The following IFT80 variants were observed in gnomAD, a reference collection of about 807,000 sequenced individuals.
IFT80 encodes intraflagellar transport protein 80 homolog.
In IFT80, 79 loss-of-function variants were observed where a neutral mutation model predicts 107.9. The ratio of observed to expected loss-of-function variants is 0.73; its 90% confidence interval spans 0.61 to 0.88. The LOEUF is 0.88. Ranked by LOEUF, IFT80 falls within the 40% of genes least tolerant of loss-of-function variation. The probability of loss-of-function intolerance (pLI) is 0.00; values close to 1 mark genes in which losing one functional copy is unlikely to be tolerated. For synonymous variants in IFT80, 299 were observed against 300.9 expected (o/e 0.99, Z 0.07); for missense variants, 797 against 914.2 (o/e 0.87, Z 1.65).
chr3:160,293,658 G>C (rs1715746324), intron 12 of IFT80, among the ~76,000 whole-genome samples: 1 of 152,066 alleles, frequency 6.6e-6, no homozygotes, highest in African/African-American at 2.4e-5. Context: ...CTGAGTGATA[G>C]AAGTGCCATT....
intron 8 of IFT80, among the ~76,000 whole-genome samples, chr3:160,328,621 G>T (rs1187159960): frequency 6.6e-6 from 1 of 151,962 alleles, no homozygotes; most frequent in Non-Finnish European, 1.5e-5. Context: ...CTATCATTCG[G>T]CCCAGTGATA....
chr3:160,375,724 C>T, intron 5 of IFT80, 88 bp downstream of exon 5: 1 of 843,926 alleles, frequency 1.2e-6, no homozygotes, highest in Non-Finnish European at 2.0e-6. Flanking sequence ...GTCTCAACCA[C>T]CGTATTAGAT....
intron 12 of IFT80, 40 bp from the exon 13 acceptor site, chr3:160,285,908 G>C: frequency 7.3e-7 from 1 of 1,379,206 alleles, no homozygotes; most frequent in Non-Finnish European, 1.0e-6. Flanking sequence ...TGTTATATTA[G>C]AATTTTTACT....
At chr3:160,292,037 T>A (rs776017298) in intron 12 of IFT80, among the ~76,000 whole-genome samples, 19 of 152,302 alleles carry the variant, frequency 1.2e-4, no homozygotes, top group Middle Eastern at 3.4e-3. Flanking sequence ...TGCAGATGGC[T>A]ATAGGGCAGA....
At chr3:160,355,745 T>C (rs1721030144) in intron 8 of IFT80, among the ~76,000 whole-genome samples, 1 of 152,178 alleles carries the variant, frequency 6.6e-6, no homozygotes, top group African/African-American at 2.4e-5. Context: ...TAAATTTTAA[T>C]ACTTTAACTA....
At position 160,282,610 on chromosome 3, in the gene IFT80, C is replaced by T. The variant is rs1473444593; in HGVS notation, c.1384G>A (p.Glu462Lys). Residue 462 changes from glutamate (E) to lysine (K), a missense_variant, in exon 14 of 20, where the codon GAA (glutamate) becomes AAA (lysine). Glu to Lys is a moderately conservative substitution (Grantham distance 56). Transcript: ENST00000326448. ...TGATCCAGAGCAATTTCCAAGATTT[C>T]ATTCTAAAATTTTTTTTAAATGTAA... ...GDGKFLSHKN[E>K]ILEIALDQKG... 3.8e-6 allele frequency: 6 copies of T among 1,573,432 alleles called. No individual in the cohort carries two copies. The South Asian group carries it at 5.7e-5, about 15-fold the overall frequency.
intron 6 of IFT80, among the ~76,000 whole-genome samples, chr3:160,360,232 G>A (rs756693936): frequency 6.6e-6 from 1 of 152,104 alleles, no homozygotes; most frequent in Admixed American, 6.6e-5. Flanking sequence ...TAGCTGATTC[G>A]ATCAAGTGGA....
At chr3:160,310,956 CA>C (rs890390310) in intron 9 of IFT80, among the ~76,000 whole-genome samples, 32 of 151,996 alleles carry the variant, frequency 2.1e-4, no homozygotes, top group Non-Finnish European at 2.9e-4. Flanking sequence ...CCTGTCTCTA[CA>C]AAAAACAAAC....
chr3:160,350,371 T>G lies in IFT80; in HGVS notation c.777+5642A>C, dbSNP rs143196061. Among the ~76,000 whole-genome samples the G allele has an allele frequency of 1.2e-4, 18 of 149,652 alleles. No homozygotes were observed. The South Asian group carries it at 3.6e-3, about 30-fold the overall frequency. On this transcript the variant is annotated intron_variant, in intron 8 of 19. Transcript: ENST00000326448. Reference sequence around the variant, plus strand: ...GCAGAGATTGCAGTGAGCTGAGATATTGCCACTGCACTCCAGCCTGGGTGA... The same window carrying G: ...GCAGAGATTGCAGTGAGCTGAGATAGTGCCACTGCACTCCAGCCTGGGTGA...
chr3:160,397,446 T>A (rs1445271518), intron 1 of IFT80, among the ~76,000 whole-genome samples: 1 of 152,236 alleles, frequency 6.6e-6, no homozygotes, highest in Non-Finnish European at 1.5e-5. Flanking sequence ...CCATTATTCA[T>A]CCTTAGCATA....
chr3:160,360,297 G>C (rs1388577770), intron 6 of IFT80, among the ~76,000 whole-genome samples: 1 of 152,078 alleles, frequency 6.6e-6, no homozygotes, highest in Non-Finnish European at 1.5e-5. Context: ...GAGAAGAGAA[G>C]TTTAGACAAA....
intron 5 of IFT80, among the ~76,000 whole-genome samples, chr3:160,370,903 T>C (rs902489843): frequency 2.0e-5 from 3 of 152,208 alleles, no homozygotes; most frequent in Non-Finnish European, 2.9e-5. Context: ...CTTACTAGCA[T>C]AGACAATTTG....
At chr3:160,322,593 T>C (rs1718331045) in intron 8 of IFT80, among the ~76,000 whole-genome samples, 1 of 152,114 alleles carries the variant, frequency 6.6e-6, no homozygotes, top group Non-Finnish European at 1.5e-5. Context: ...TAGTTCTAGA[T>C]CCCTGAGGAA....
At position 160,320,431 on chromosome 3, in the gene IFT80, CTTTTTT is replaced by C. The variant is rs530699154; in HGVS notation, c.778-498_778-493del. ...ACACGAAACTGGATCTATTTCTTTTCTTTTTTTTTTAACAGACTGCAGTGAGTATAA... is the reference window on the plus strand; with the variant it reads ...ACACGAAACTGGATCTATTTCTTTTCTTTTAACAGACTGCAGTGAGTATAA... On this transcript the variant is annotated intron_variant, in intron 8 of 19. Transcript: ENST00000326448. Among the ~76,000 whole-genome samples the C allele has an allele frequency of 1.1e-4, 16 of 147,908 alleles. No individual in the cohort carries two copies. In the South Asian group the frequency reaches 2.8e-3, roughly 26 times the overall value.
chr3:160,323,452 G>T (rs528240924), intron 8 of IFT80, among the ~76,000 whole-genome samples: 2 of 152,088 alleles, frequency 1.3e-5, no homozygotes, highest in African/African-American at 2.4e-5. Context: ...TTGTAGTATA[G>T]TTTGAAGTCA....
At position 160,330,959 on chromosome 3, in the gene IFT80, C is replaced by A. The variant is rs569057434; in HGVS notation, c.778-11020G>T. On this transcript the variant is annotated intron_variant, in intron 8 of 19. Transcript: ENST00000326448. Reference sequence around the variant, plus strand: ...GCCTGAAGCCACAGATAGTACTGTACTATCTATATAACACTATGAACAGAT... The same window carrying A: ...GCCTGAAGCCACAGATAGTACTGTAATATCTATATAACACTATGAACAGAT... Among the ~76,000 whole-genome samples, 3 of 152,296 alleles carry A rather than the reference C, an allele frequency of 2.0e-5. 1 individual carries two copies. The South Asian group carries it at 6.2e-4, about 32-fold the overall frequency.
At chr3:160,282,422 C>T (rs1203975001) in intron 14 of IFT80, 56 bp downstream of exon 14, 1 of 1,166,508 alleles carries the variant, frequency 8.6e-7, no homozygotes, top group East Asian at 2.5e-5. Context: ...TTATTTATTA[C>T]AGCAAATATA....
intron 8 of IFT80, among the ~76,000 whole-genome samples, chr3:160,329,852 G>A (rs529436307): frequency 1.3e-5 from 2 of 151,550 alleles, no homozygotes; most frequent in African/African-American, 4.9e-5. Flanking sequence ...TCTGTCTTTC[G>A]TTATAGGGTC....
At chr3:160,272,915 T>C (rs143986393) in intron 18 of IFT80, among the ~76,000 whole-genome samples, 32 of 152,340 alleles carry the variant, frequency 2.1e-4, no homozygotes, top group Admixed American at 1.1e-3. Context: ...GGGCCTTCCC[T>C]GCAGCTAAAG....
Sources: gnomAD v4.1 joint callset for allele counts (sites outside exome capture counted in the v4.1 genomes callset) on GRCh38, gnomAD v4.1.1 for gene constraint, MANE v1.5 for transcripts, NCBI Gene and HGNC (gene_info 2026-07-23, HGNC 2026-07-21) for gene names.